MCM3: variants seen among roughly 807,000 people sequenced by gnomAD.
MCM3 encodes the protein DNA replication licensing factor MCM3.
MCM3 carries 59 observed loss-of-function variants against 91.3 expected under a neutral mutation model. That is an observed-to-expected ratio of 0.65 (90% CI 0.52 to 0.80). The LOEUF is 0.80. Among genes scored for constraint, MCM3 ranks in the 30% least tolerant of loss-of-function variants. The probability of loss-of-function intolerance (pLI) is 0.00; values close to 1 mark genes in which losing one functional copy is unlikely to be tolerated. For missense variants in MCM3, 919 were observed against 1,035.4 expected (o/e 0.89, Z 1.54); for synonymous variants, 383 against 379.6 (o/e 1.01, Z -0.10).
chr6:52,273,258 T>G lies in MCM3; in HGVS notation c.1648A>C (p.Asn550His). The change falls in exon 11 of 17, where the codon AAC (asparagine) becomes CAC (histidine). Residue 550 changes from asparagine to histidine, a missense_variant. Coordinates refer to ENST00000596288, the MANE Select transcript of MCM3 (RefSeq NM_002388.6). ...QDTQIYEKHD[N>H]LLHGTKKKKE... ...TTCTTCTTGGTCCCATGTAGAAGGTTGTCATGCTTCTCATAAATCTGGGTG... is the reference window on the plus strand; with the variant it reads ...TTCTTCTTGGTCCCATGTAGAAGGTGGTCATGCTTCTCATAAATCTGGGTG... 1 of 1,614,216 alleles carries G rather than the reference T, an allele frequency of 6.2e-7. No homozygotes were observed. Among genetic ancestry groups the G allele is most frequent in the Middle Eastern group, 1.6e-4 (1 of 6,062 alleles).
At position 52,282,181 on chromosome 6, in the gene MCM3, G is replaced by A. The variant is rs375953554; in HGVS notation, c.401-6C>T. ...TTTGGGACGAACTAGAGAACCTAGG[G>A]ATGGAAAATGTGCATATATAAACTC... On this transcript the variant is annotated splice_region_variant and splice_polypyrimidine_tract_variant and intron_variant, in intron 3 of 16. Coordinates refer to ENST00000596288, the MANE Select transcript of MCM3 (RefSeq NM_002388.6). 4 of 1,613,884 alleles carry A rather than the reference G, an allele frequency of 2.5e-6. No homozygotes were observed. In the African/African-American group the frequency reaches 5.3e-5, roughly 22 times the overall value.
chr6:52,283,534 T>G, intron 1 of MCM3, 128 bp from the exon 2 acceptor site: 1 of 689,360 alleles, frequency 1.5e-6, no homozygotes, highest in South Asian at 1.6e-5. Flanking sequence ...AGTAAGTATG[T>G]GCTCATCAAT....
At chr6:52,274,231 G>A (rs1765374962) in intron 9 of MCM3, among the ~76,000 whole-genome samples, 1 of 152,082 alleles carries the variant, frequency 6.6e-6, no homozygotes, top group Admixed American at 6.5e-5. Flanking sequence ...TCCCAAGGCA[G>A]GACCTGACTC....
At chr6:52,268,361 A>G (rs905012028) in intron 13 of MCM3, among the ~76,000 whole-genome samples, 3 of 152,098 alleles carry the variant, frequency 2.0e-5, no homozygotes, top group African/African-American at 7.2e-5. Flanking sequence ...TCAACCCTTA[A>G]CCTAGCAAAA....
chr6:52,278,152 T>G (rs944288162), intron 6 of MCM3, among the ~76,000 whole-genome samples: 2 of 149,180 alleles, frequency 1.3e-5, no homozygotes, highest in Non-Finnish European at 3.0e-5. Flanking sequence ...TGCAAAAAAT[T>G]ATTTTCTAAG....
intron 5 of MCM3, 142 bp downstream of exon 5, chr6:52,279,219 T>C: frequency 2.8e-6 from 2 of 702,786 alleles, no homozygotes; most frequent in South Asian, 3.5e-5. Context: ...AAAGAGGTAT[T>C]GAAGGTATCC....
At chr6:52,280,481 A>G (rs79345122) in intron 4 of MCM3, among the ~76,000 whole-genome samples, 287 of 152,326 alleles carry the variant, frequency 1.9e-3, no homozygotes, top group Non-Finnish European at 3.0e-3. Flanking sequence ...CGTCATGCAC[A>G]AGGAAACCAG....
In MCM3 at chr6:52,277,134, G is replaced by A; in HGVS notation, c.1098C>T (p.Ile366=). 1 of 1,614,106 alleles carries A rather than the reference G, an allele frequency of 6.2e-7. No individual in the cohort carries two copies. Among genetic ancestry groups the A allele is most frequent in the Non-Finnish European group, 8.5e-7 (1 of 1,180,008 alleles). The change falls in exon 8 of 17, where the codon ATC becomes ATT. Residue 366 remains isoleucine, a synonymous_variant. Transcript: ENST00000596288. ...RYVLCTAPRA[I]PTTGRGSSGV... ...CAGAGGAGCCCCGGCCAGTGGTGGG[G>A]ATAGCTCGGGGTGCAGTGCAAAGCA...
In MCM3 at chr6:52,276,370, T is replaced by C; in HGVS notation, c.1272A>G (p.Glu424=). 1.2e-6 allele frequency: 2 copies of C among 1,614,140 alleles called. No homozygotes were observed. The highest frequency in any genetic ancestry group is 1.7e-6 in the Non-Finnish European group (2 of 1,180,038). The change falls in exon 9 of 17, where the codon GAA becomes GAG. Residue 424 remains glutamate (E), a synonymous_variant. Coordinates refer to ENST00000596288, the MANE Select transcript of MCM3 (RefSeq NM_002388.6). ...MSDMDRTAIH[E]VMEQGRVTIA... ...TGGTCACTCGACCCTGCTCCATCAC[T>C]TCATGGATGGCTGTGCGATCCATGT...
intron 13 of MCM3, 32 bp from the exon 14 acceptor site, chr6:52,268,000 G>C (rs748568967): frequency 6.2e-7 from 1 of 1,613,808 alleles, no homozygotes; most frequent in Admixed American, 1.7e-5. Flanking sequence ...CTGGGCTAGA[G>C]GGGTCACTGA....
At chr6:52,272,905 T>C (rs1765255515) in intron 11 of MCM3, among the ~76,000 whole-genome samples, 1 of 152,234 alleles carries the variant, frequency 6.6e-6, no homozygotes, top group Non-Finnish European at 1.5e-5. Context: ...ATGTTTGCTA[T>C]CTGCTGACCC....
chr6:52,283,237 G>C, intron 2 of MCM3, 57 bp downstream of exon 2: 1 of 1,420,022 alleles, frequency 7.0e-7, no homozygotes, highest in Admixed American at 1.7e-5. Context: ...TTCCAATCTG[G>C]CCAAGAGGGA....
chr6:52,272,251 C>A (rs776289509), intron 12 of MCM3, 50 bp downstream of exon 12: 2 of 1,558,490 alleles, frequency 1.3e-6, no homozygotes, highest in South Asian at 1.2e-5. Context: ...GGACTCCTGC[C>A]CAGCCATATA....
chr6:52,276,714 T>C (rs3765447), intron 8 of MCM3, among the ~76,000 whole-genome samples: 9,202 of 152,176 alleles, frequency 0.06, 352 homozygotes, highest in East Asian at 0.13. Flanking sequence ...TCTCACAAAT[T>C]TCCTTCATAG....
At chr6:52,272,213 A>C in intron 12 of MCM3, 88 bp downstream of exon 12, 1 of 1,404,102 alleles carries the variant, frequency 7.1e-7, no homozygotes, top group Non-Finnish European at 9.6e-7. Context: ...CACTAAGTTA[A>C]AATGCTTTCA....
At position 52,266,087 on chromosome 6, in the gene MCM3, A is replaced by G. The variant is rs769565788; in HGVS notation, c.2216T>C (p.Leu739Ser). 1 of 1,614,078 alleles carries G rather than the reference A, an allele frequency of 6.2e-7. No homozygotes were observed. Among genetic ancestry groups the G allele is most frequent in the South Asian group, 1.1e-5 (1 of 91,074 alleles). The part of the protein sequence containing the change: ...QETKESQKVE[L>S]SESRLKAFKV... Reference sequence around the variant, plus strand: ...CATCCGTACTCACCTGGATTCACTCAACTCCACTTTCTGGGATTCCTTGGT... The same window carrying G: ...CATCCGTACTCACCTGGATTCACTCGACTCCACTTTCTGGGATTCCTTGGT... The change falls in exon 16 of 17, where the codon TTG becomes TCG. Residue 739 changes from leucine (L) to serine (S), a missense_variant. Physicochemically the swap from Leu to Ser is moderately radical, Grantham distance 145 (BLOSUM62 -2). This residue lies in a region of MCM3 where 285 missense variants were observed against 311.4 expected (regional missense o/e 0.92). Transcript: ENST00000596288.
At chr6:52,273,616 C>T (rs1173238920) in intron 10 of MCM3, 126 bp downstream of exon 10, 3 of 992,272 alleles carry the variant, frequency 3.0e-6, no homozygotes, top group Non-Finnish European at 4.4e-6. Context: ...GGTGGCTAAA[C>T]AGTTGAGGGC....
rs1766319738 is a variant in MCM3, at chr6:52,283,353, T to C, written c.132A>G (p.Gln44=). The change falls in exon 2 of 17, where the codon CAA becomes CAG. Residue 44 remains glutamine, a synonymous_variant. Transcript: ENST00000596288. ...SKVRELISDN[Q]YRLIVNVNDL... The stretch of plus-strand genomic sequence containing the variant: ...CATTCACATTGACAATCAGCCGGTA[T>C]TGGTTGTCACTGATCAGCTCCCGAA... 2.5e-6 allele frequency: 4 copies of C among 1,614,218 alleles called. No homozygotes were observed. The highest frequency in any genetic ancestry group is 2.5e-6 in the Non-Finnish European group (3 of 1,180,018).
chr6:52,269,885 T>C (rs1764954099), intron 12 of MCM3, among the ~76,000 whole-genome samples: 1 of 152,214 alleles, frequency 6.6e-6, no homozygotes, highest in African/African-American at 2.4e-5. Flanking sequence ...ATCAGAAATC[T>C]CAGTGTTTAG....
Sources: gnomAD v4.1 joint callset for allele counts (sites outside exome capture counted in the v4.1 genomes callset) on GRCh38, gnomAD v4.1.1 for gene constraint, gnomAD v4.1.1 regional missense constraint, MANE v1.5 for transcripts, NCBI Gene and HGNC (gene_info 2026-07-23, HGNC 2026-07-21) for gene names.